The following GPC6 variants were observed in gnomAD, a reference collection of about 807,000 sequenced individuals.
GPC6 encodes glypican-6.
A neutral mutation model predicts 55.2 loss-of-function variants in GPC6; 14 were observed. That is an observed-to-expected ratio of 0.25 (90% confidence interval 0.17 to 0.40). The LOEUF is 0.40. Among genes scored for constraint, GPC6 ranks in the 10% least tolerant of loss-of-function variants. The probability of loss-of-function intolerance (pLI) is 1.00; values close to 1 mark genes in which losing one functional copy is unlikely to be tolerated. For synonymous variants in GPC6, 278 were observed against 259.6 expected, an observed-to-expected ratio of 1.07 and a Z score of -0.68; for missense variants, 641 against 708.5, an observed-to-expected ratio of 0.90 and a Z score of 1.08.
At chr13:94,144,177 C>T (rs1000438289) in intron 4 of GPC6, among the ~76,000 whole-genome samples, 4 of 152,144 alleles carry the variant, frequency 2.6e-5, no homozygotes, top group Middle Eastern at 3.4e-3. Flanking sequence ...CTGAGAGTCA[C>T]CCAGCAGCAA....
chr13:93,962,329 A>G (rs983465879), intron 3 of GPC6, among the ~76,000 whole-genome samples: 2 of 152,168 alleles, frequency 1.3e-5, no homozygotes, highest in East Asian at 3.9e-4. Flanking sequence ...AATTATTGAT[A>G]AGAATGGTCG....
chr13:93,392,518 A>T (rs1298868865), intron 1 of GPC6, among the ~76,000 whole-genome samples: 1 of 152,200 alleles, frequency 6.6e-6, no homozygotes, highest in Non-Finnish European at 1.5e-5. Flanking sequence ...AAATACCCCA[A>T]TGCAAGGTTT....
At chr13:93,468,292 G>A (rs1346232691) in intron 1 of GPC6, among the ~76,000 whole-genome samples, 2 of 152,046 alleles carry the variant, frequency 1.3e-5, no homozygotes, top group African/African-American at 4.8e-5. Flanking sequence ...CCACAGATTA[G>A]TTCACTTATT....
chr13:93,427,420 A>G (rs2139269131), intron 1 of GPC6, among the ~76,000 whole-genome samples: 1 of 151,880 alleles, frequency 6.6e-6, no homozygotes, highest in South Asian at 2.1e-4. Flanking sequence ...TCAATGGAAC[A>G]GAACAGAGCC....
At chr13:93,992,869 T>C (rs1175356912) in intron 3 of GPC6, among the ~76,000 whole-genome samples, 1 of 152,198 alleles carries the variant, frequency 6.6e-6, no homozygotes, top group Non-Finnish European at 1.5e-5. Flanking sequence ...AGTGCTAGGC[T>C]TCATTTTCTG....
chr13:93,487,251 G>T (rs1458813633), intron 1 of GPC6, among the ~76,000 whole-genome samples: 1 of 151,864 alleles, frequency 6.6e-6, no homozygotes, highest in Non-Finnish European at 1.5e-5. Context: ...TTAAGTTCAG[G>T]GATATATGTC....
intron 3 of GPC6, among the ~76,000 whole-genome samples, chr13:93,870,462 A>G (rs1205084222): frequency 6.6e-6 from 1 of 151,858 alleles, no homozygotes; most frequent in Non-Finnish European, 1.5e-5. Flanking sequence ...GCTAGTTTTT[A>G]TTATAGAATA....
At chr13:94,379,787 T>C (rs2139204535) in intron 6 of GPC6, among the ~76,000 whole-genome samples, 1 of 152,312 alleles carries the variant, frequency 6.6e-6, no homozygotes, top group East Asian at 1.9e-4. Context: ...TATTAGTCAC[T>C]TGACCCATAC....
intron 4 of GPC6, among the ~76,000 whole-genome samples, chr13:94,170,542 G>C (rs1373532364): frequency 6.6e-6 from 1 of 152,178 alleles, no homozygotes; most frequent in Non-Finnish European, 1.5e-5. Flanking sequence ...TGTTTGGAAA[G>C]TTAGCCAGAA....
intron 1 of GPC6, among the ~76,000 whole-genome samples, chr13:93,326,166 G>A (rs895875683): frequency 6.6e-6 from 1 of 152,144 alleles, no homozygotes; most frequent in African/African-American, 2.4e-5. Context: ...AGCAGTTGTA[G>A]ATGACATTGG....
chr13:93,616,839 T>G (rs1344909428), intron 2 of GPC6, among the ~76,000 whole-genome samples: 1 of 152,122 alleles, frequency 6.6e-6, no homozygotes, highest in Non-Finnish European at 1.5e-5. Context: ...TCCTTTTTTT[T>G]GAATTATAAG....
intron 1 of GPC6, among the ~76,000 whole-genome samples, chr13:93,371,752 G>C (rs1594125667): frequency 6.6e-6 from 1 of 152,058 alleles, no homozygotes; most frequent in South Asian, 2.1e-4. Flanking sequence ...GAGATACATA[G>C]TGCAATGCCA....
chr13:94,363,610 G>A (rs1879156691), intron 6 of GPC6, among the ~76,000 whole-genome samples: 2 of 152,178 alleles, frequency 1.3e-5, no homozygotes. Flanking sequence ...TAGGAACCAT[G>A]CTCAACCCCT....
At chr13:93,357,139 C>A in intron 1 of GPC6, among the ~76,000 whole-genome samples, 1 of 152,162 alleles carries the variant, frequency 6.6e-6, no homozygotes, top group East Asian at 1.9e-4. Context: ...CATTCCATTT[C>A]CCTCAAGCAG....
chr13:94,290,429 T>TAAAAAAAAAAAAAAAAAAA (rs532958421), intron 5 of GPC6, among the ~76,000 whole-genome samples: 1 of 99,044 alleles, frequency 1.0e-5, no homozygotes, highest in Non-Finnish European at 2.0e-5. Context: ...TCTAGAAAGG[T>TAAAAAAAAAAAAAAAAAAA]AAAAAAAAAA....
Position 93,476,555 on chromosome 13 carries a change from C to T in GPC6, c.161-68708C>T, listed in dbSNP as rs142711843. On this transcript the variant is annotated intron_variant, in intron 1 of 8. Transcript: ENST00000377047. ...ATGTATCCATAAGTTTTTGCTACATCGTACTTGAATTATTTTGGTGGATAG... is the reference window on the plus strand; with the variant it reads ...ATGTATCCATAAGTTTTTGCTACATTGTACTTGAATTATTTTGGTGGATAG... 3.9e-3 allele frequency among the ~76,000 whole-genome samples: 594 copies of T among 152,216 alleles called. 4 individuals are homozygous for T. The highest frequency in any genetic ancestry group is 6.0e-3 in the Non-Finnish European group (406 of 68,010).
intron 2 of GPC6, among the ~76,000 whole-genome samples, chr13:93,628,726 G>A (rs117528807): frequency 0.011 from 1,720 of 151,940 alleles, 14 homozygotes; most frequent in Non-Finnish European, 0.016. Context: ...AAGAAGTGTC[G>A]GATTTTGGAT....
At chr13:93,330,660 G>A (rs891092558) in intron 1 of GPC6, among the ~76,000 whole-genome samples, 5 of 151,974 alleles carry the variant, frequency 3.3e-5, no homozygotes, top group African/African-American at 9.7e-5. Context: ...TCTCACTTGC[G>A]TACCCCAGCT....
chr13:94,189,424 C>A (rs1407559080), intron 4 of GPC6, among the ~76,000 whole-genome samples: 1 of 152,258 alleles, frequency 6.6e-6, no homozygotes, highest in South Asian at 2.1e-4. Flanking sequence ...GCATGCTCCC[C>A]ACCCTGGGAT....
Sources: gnomAD v4.1 joint callset for allele counts (sites outside exome capture counted in the v4.1 genomes callset) on GRCh38, gnomAD v4.1.1 for gene constraint, MANE v1.5 for transcripts, NCBI Gene and HGNC (gene_info 2026-07-23, HGNC 2026-07-21) for gene names.